SCN2B: variants seen among roughly 807,000 people sequenced by gnomAD.
SCN2B encodes the protein sodium channel regulatory subunit beta-2.
In SCN2B, 14 loss-of-function variants were observed where a neutral mutation model predicts 18.2. The observed-to-expected ratio is 0.77, with a 90% CI of 0.51 to 1.21. SCN2B has a LOEUF of 1.21. SCN2B is among the 50% of genes most tolerant of loss of function. The pLI is 0.00. For missense variants in SCN2B, 262 were observed against 286.9 expected (o/e 0.91, Z 0.63); for synonymous variants, 115 against 115.3 (o/e 1.00, Z 0.02).
At chr11:118,174,737 G>A (rs192794396) in intron 1 of SCN2B, among the ~76,000 whole-genome samples, 1 of 152,070 alleles carries the variant, frequency 6.6e-6, no homozygotes, top group Non-Finnish European at 1.5e-5. Context: ...CCCTAGCCCA[G>A]AGCTCTGGGT....
chr11:118,167,683 A>G (rs543693200), intron 3 of SCN2B, among the ~76,000 whole-genome samples: 2 of 152,140 alleles, frequency 1.3e-5, no homozygotes, highest in Admixed American at 6.5e-5. Flanking sequence ...CAGCCTCCCA[A>G]GTAGCTGGGA....
rs906083156 is a variant in SCN2B at position 118,165,674 on chromosome 11, G to C, written c.*1213C>G. On this transcript the variant is annotated 3_prime_UTR_variant, in exon 4 of 4. Transcript: ENST00000278947. Reference sequence around the variant, plus strand: ...GTATTTTTAGTAGAGATGGGGTTTTGCCCATTTCTACTAAACAGATGGAGG... The same window carrying C: ...GTATTTTTAGTAGAGATGGGGTTTTCCCCATTTCTACTAAACAGATGGAGG... The C allele has an allele frequency of 1.3e-5, 2 of 152,086 alleles. No individual in the cohort carries two copies. Among genetic ancestry groups the C allele is most frequent in the African/African-American group, 4.8e-5 (2 of 41,394 alleles). 9.4% of individuals were successfully genotyped at this position (152,086 alleles called of 1,614,324 possible).
In SCN2B at chr11:118,166,767, C is replaced by T; in HGVS notation, c.*120G>A. 5 of 1,213,296 alleles carry T rather than the reference C, an allele frequency of 4.1e-6. No individual in the cohort carries two copies. The highest frequency in any genetic ancestry group is 3.7e-5 in the South Asian group (3 of 81,358). The allele number at this position is 1,213,296 out of a possible 1,614,324, so 75.2% of individuals were successfully genotyped here. On this transcript the variant is annotated 3_prime_UTR_variant, in exon 4 of 4. Coordinates refer to ENST00000278947, the MANE Select transcript of SCN2B (RefSeq NM_004588.5). ...TACGAAGTCGGGGGTTCAGGAGGCCCCAGGTGGGCCCTGGGGTCCTAGGTC... is the reference window on the plus strand; with the variant it reads ...TACGAAGTCGGGGGTTCAGGAGGCCTCAGGTGGGCCCTGGGGTCCTAGGTC...
intron 1 of SCN2B, among the ~76,000 whole-genome samples, chr11:118,174,093 T>TTTGTTTTTG (rs1264534993): frequency 2.3e-5 from 1 of 43,188 alleles, no homozygotes; most frequent in East Asian, 4.8e-4. Flanking sequence ...TTTCTTTTCT[T>TTTGTTTTTG]TTTTTTTTTT....
chr11:118,164,082 G>C lies in SCN2B; in HGVS notation c.*2805C>G, dbSNP rs1948356146. On this transcript the variant is annotated 3_prime_UTR_variant, in exon 4 of 4. Transcript: ENST00000278947. ...GCTTTTCCTGGGCCCCAGTTGATCA[G>C]GGCAGAGGAAAAAAAGACTCCAGGA... 6.6e-6 allele frequency: 1 copy of C among 152,146 alleles called. No individual in the cohort carries two copies. Among genetic ancestry groups the C allele is most frequent in the South Asian group, 2.1e-4 (1 of 4,828 alleles). 9.4% of individuals were successfully genotyped at this position (152,146 alleles called of 1,614,324 possible). A position where few individuals can be genotyped will look rare whatever the true frequency, so the allele number is the denominator to read the frequency against.
At chr11:118,175,607 G>A (rs995114435) in intron 1 of SCN2B, among the ~76,000 whole-genome samples, 5 of 152,176 alleles carry the variant, frequency 3.3e-5, no homozygotes, top group Non-Finnish European at 7.3e-5. Flanking sequence ...TCTCTGAGTG[G>A]TCAAATACAA....
chr11:118,170,925 C>T (rs551977493), intron 1 of SCN2B, among the ~76,000 whole-genome samples: 2 of 152,194 alleles, frequency 1.3e-5, no homozygotes, highest in South Asian at 2.1e-4. Context: ...TAGGAATTGG[C>T]GAACAGCCCA....
rs1390530739 is a variant in SCN2B, at chr11:118,164,454, T to C, written c.*2433A>G. 6.5e-6 allele frequency: 1 copy of C among 152,676 alleles called. No individual in the cohort carries two copies. The highest frequency in any genetic ancestry group is 2.4e-5 in the African/African-American group (1 of 41,448). The allele number at this position is 152,676 out of a possible 1,614,324, so 9.5% of individuals were successfully genotyped here. A position where few individuals can be genotyped will look rare whatever the true frequency, so the allele number is the denominator to read the frequency against. ...GGCAGTGTGTTGATTGGCAGTTAGGTACTGAGCTGATGAGTTTAGCATTTC... is the reference window on the plus strand; with the variant it reads ...GGCAGTGTGTTGATTGGCAGTTAGGCACTGAGCTGATGAGTTTAGCATTTC... On this transcript the variant is annotated 3_prime_UTR_variant, in exon 4 of 4. Transcript: ENST00000278947.
intron 1 of SCN2B, among the ~76,000 whole-genome samples, chr11:118,170,946 G>C (rs1220288120): frequency 1.3e-5 from 2 of 152,084 alleles, no homozygotes; most frequent in African/African-American, 4.8e-5. Flanking sequence ...GGCCTGCAGG[G>C]CTCCTATTTT....
chr11:118,173,915 C>G (rs1176055328), intron 1 of SCN2B, among the ~76,000 whole-genome samples: 1 of 151,202 alleles, frequency 6.6e-6, no homozygotes, highest in African/African-American at 2.5e-5. Context: ...CACTTTCTTT[C>G]TTTCTTTCTT....
chr11:118,174,981 C>T (rs1458615096), intron 1 of SCN2B, among the ~76,000 whole-genome samples: 1 of 152,082 alleles, frequency 6.6e-6, no homozygotes, highest in Non-Finnish European at 1.5e-5. Context: ...GAGTGGAATC[C>T]AACGTTTAAG....
chr11:118,174,679 C>G (rs1948455821), intron 1 of SCN2B, among the ~76,000 whole-genome samples: 1 of 152,140 alleles, frequency 6.6e-6, no homozygotes, highest in African/African-American at 2.4e-5. Flanking sequence ...CTACCATCTC[C>G]CCACCCCAAA....
At chr11:118,176,215 G>A (rs761073224) in intron 1 of SCN2B, 147 bp downstream of exon 1, 9 of 748,924 alleles carry the variant, frequency 1.2e-5, no homozygotes, top group African/African-American at 5.2e-5. Context: ...CCCCAGCAAC[G>A]TCCCTTCCAG....
chr11:118,169,438 G>A (rs926934698), intron 1 of SCN2B, among the ~76,000 whole-genome samples: 5 of 152,132 alleles, frequency 3.3e-5, no homozygotes, highest in Non-Finnish European at 4.4e-5. Context: ...CTCCCCTGCC[G>A]TTCTGTTCTC....
In SCN2B at chr11:118,166,869, T is replaced by G. The variant is rs1948386944; in HGVS notation, c.*18A>C. 1.9e-6 allele frequency: 3 copies of G among 1,613,496 alleles called. No homozygotes were observed. In the African/African-American group the frequency reaches 4.0e-5, roughly 22 times the overall value. On this transcript the variant is annotated 3_prime_UTR_variant, in exon 4 of 4. Transcript: ENST00000278947. ...GGGGAGGAGACGGGACACGGGAGGCTGCAGGGCCGGCCACCCACTACTTGG... is the reference window on the plus strand; with the variant it reads ...GGGGAGGAGACGGGACACGGGAGGCGGCAGGGCCGGCCACCCACTACTTGG...
chr11:118,168,382 CT>C lies in SCN2B; in HGVS notation c.238-88del. 1 of 1,362,898 alleles carries C rather than the reference CT, an allele frequency of 7.3e-7. No individual in the cohort carries two copies. Among genetic ancestry groups the C allele is most frequent in the Non-Finnish European group, 1.0e-6 (1 of 953,346 alleles). 84.4% of individuals were successfully genotyped at this position (1,362,898 alleles called of 1,614,324 possible). On this transcript the variant is annotated intron_variant, in intron 2 of 3. Coordinates refer to ENST00000278947, the MANE Select transcript of SCN2B (RefSeq NM_004588.5). This position sits in a 1 kb window ranked among gnomAD's most constrained non-coding sequence, Gnocchi z 4.7. ...AGGATGCCCCCTCTTCCCATCCACC[CT>C]TTTCCTGGGGAAGAGAGGCAGTTAC...
At chr11:118,174,086 CTTTTCTTTTTTTTTTTTT>C (rs1481628915) in intron 1 of SCN2B, among the ~76,000 whole-genome samples, 38 of 54,728 alleles carry the variant, frequency 6.9e-4, no homozygotes, top group Non-Finnish European at 9.1e-4. Context: ...GCTTATTTTT[CTTTTCTTTTTTTTTTTTT>C]TTTTTTTTTT....
rs902049258 is a variant in SCN2B at position 118,166,625 on chromosome 11, C to T, written c.*262G>A. On this transcript the variant is annotated 3_prime_UTR_variant, in exon 4 of 4. Transcript: ENST00000278947. ...CCCTCACATGTGCCTCCTGCCTCCCCCCAGGGACTGGCAGGTGGGAGCCCT... is the reference window on the plus strand; with the variant it reads ...CCCTCACATGTGCCTCCTGCCTCCCTCCAGGGACTGGCAGGTGGGAGCCCT... The T allele has an allele frequency of 1.8e-5, 10 of 542,766 alleles. No homozygotes were observed. The highest frequency in any genetic ancestry group is 1.6e-4 in the East Asian group (5 of 31,302). The allele number at this position is 542,766 out of a possible 1,614,324, so 33.6% of individuals were successfully genotyped here.
Position 118,171,010 on chromosome 11 carries a change from G to A in SCN2B, c.71-2259C>T, listed in dbSNP as rs151042612. On this transcript the variant is annotated intron_variant, in intron 1 of 3. Coordinates refer to ENST00000278947, the MANE Select transcript of SCN2B (RefSeq NM_004588.5). ...CGTAGAAGCAGCCGCCCTGCAGCCT[G>A]CAGGGAAATCAACATCTGCCTGGAG... Among the ~76,000 whole-genome samples the A allele has an allele frequency of 2.9e-3, 442 of 152,114 alleles. 3 individuals are homozygous for A. The highest frequency in any genetic ancestry group is 1.0e-2 in the African/African-American group (413 of 41,486).
Sources: allele counts gnomAD v4.1 joint callset (sites outside exome capture counted in the v4.1 genomes callset), GRCh38; gene constraint gnomAD v4.1.1; non-coding constraint Gnocchi (gnomAD v3.1); transcripts MANE v1.5; gene names NCBI Gene and HGNC (gene_info 2026-07-23, HGNC 2026-07-21).